Variants in TFEC observed in about 807,000 individuals in gnomAD.
TFEC encodes transcription factor EC.
In TFEC, 31 loss-of-function variants were observed where a neutral mutation model predicts 41.6. That is an observed-to-expected ratio of 0.74 (90% CI 0.56 to 1.01). TFEC has a LOEUF of 1.01. Among genes scored for constraint, TFEC ranks in the 50% least tolerant of loss-of-function variants. The pLI is 0.00. For missense variants in TFEC, 402 were observed against 404.1 expected, an observed-to-expected ratio of 0.99 and a Z score of 0.04; for synonymous variants, 143 against 140.6, an observed-to-expected ratio of 1.02 and a Z score of -0.12.
chr7:115,983,064 G>A (rs1793696524), intron 2 of TFEC, among the ~76,000 whole-genome samples: 1 of 152,034 alleles, frequency 6.6e-6, no homozygotes, highest in African/African-American at 2.4e-5. Flanking sequence ...AGGATAAACT[G>A]TACTGTGTGT....
At chr7:116,065,011 T>C (rs1437180666) in intron 3 of TFEC, among the ~76,000 whole-genome samples, 4 of 152,160 alleles carry the variant, frequency 2.6e-5, no homozygotes, top group Non-Finnish European at 4.4e-5. Context: ...GAGTGGATTG[T>C]TCTCCTGAAA....
chr7:115,971,135 G>T (rs62477237), intron 3 of TFEC, among the ~76,000 whole-genome samples: 1 of 151,936 alleles, frequency 6.6e-6, no homozygotes, highest in African/African-American at 2.4e-5. Flanking sequence ...CTCTTAGTCT[G>T]GGCAATTTGT....
intron 3 of TFEC, among the ~76,000 whole-genome samples, chr7:116,106,355 G>T (rs1797716458): frequency 6.6e-6 from 1 of 151,128 alleles, no homozygotes; most frequent in African/African-American, 2.4e-5. Context: ...GCTGACTGAT[G>T]ACTTCAGTTT....
chr7:116,034,296 C>G (rs1396676744), upstream of TFEC, among the ~76,000 whole-genome samples: 1 of 151,984 alleles, frequency 6.6e-6, no homozygotes, highest in Non-Finnish European at 1.5e-5. Flanking sequence ...GCTAATGACT[C>G]TCATGGTCAT....
intron 5 of TFEC, among the ~76,000 whole-genome samples, chr7:115,951,993 A>T (rs1187946973): frequency 2.0e-5 from 3 of 152,118 alleles, no homozygotes; most frequent in Non-Finnish European, 4.4e-5. Context: ...AAGGTAGAAA[A>T]GGATATGAAG....
intron 2 of TFEC, among the ~76,000 whole-genome samples, chr7:116,111,495 A>G (rs1316171623): frequency 1.3e-5 from 2 of 152,094 alleles, no homozygotes; most frequent in Non-Finnish European, 2.9e-5. Context: ...TAAATGAGAA[A>G]CAAACACAAA....
chr7:116,090,214 GT>G (rs1797293893), intron 3 of TFEC, among the ~76,000 whole-genome samples: 2 of 152,128 alleles, frequency 1.3e-5, no homozygotes, highest in South Asian at 4.1e-4. Flanking sequence ...TGTGACCTTT[GT>G]AACTTCACTT....
chr7:115,991,803 C>T (rs1406760539), intron 1 of TFEC, among the ~76,000 whole-genome samples: 3 of 152,180 alleles, frequency 2.0e-5, no homozygotes, highest in Admixed American at 1.3e-4. Flanking sequence ...ATCAACAAGA[C>T]AGAAAGTTAA....
At chr7:115,944,973 G>A (rs116100781) in intron 6 of TFEC, among the ~76,000 whole-genome samples, 1,635 of 148,876 alleles carry the variant, frequency 0.011, 27 homozygotes, top group African/African-American at 0.034. Flanking sequence ...TCCATGACTC[G>A]TTAATAGATA....
chr7:116,148,907 A>T (rs1429811307), intron 1 of TFEC, among the ~76,000 whole-genome samples: 3 of 152,150 alleles, frequency 2.0e-5, no homozygotes, highest in Non-Finnish European at 4.4e-5. Context: ...ATACAGAAAA[A>T]AAAAAAATGG....
At chr7:116,099,522 C>T (rs771928301) in intron 3 of TFEC, among the ~76,000 whole-genome samples, 114 of 152,282 alleles carry the variant, frequency 7.5e-4, no homozygotes, top group Non-Finnish European at 1.3e-3. Flanking sequence ...TTCCACATTA[C>T]GACCAGTCCC....
At chr7:116,070,568 T>C (rs962368986) in intron 3 of TFEC, among the ~76,000 whole-genome samples, 1 of 151,390 alleles carries the variant, frequency 6.6e-6, no homozygotes, top group African/African-American at 2.4e-5. Flanking sequence ...GAAGAATACA[T>C]ATAAACACAT....
At chr7:116,092,594 T>TA (rs1427854603) in intron 3 of TFEC, among the ~76,000 whole-genome samples, 2 of 152,196 alleles carry the variant, frequency 1.3e-5, no homozygotes, top group African/African-American at 4.8e-5. Context: ...GTACATGAAT[T>TA]AAACTTTTAC....
At chr7:116,130,906 T>G (rs1026169748) in intron 1 of TFEC, among the ~76,000 whole-genome samples, 5 of 152,188 alleles carry the variant, frequency 3.3e-5, no homozygotes, top group African/African-American at 4.8e-5. Flanking sequence ...GCCACTGCAC[T>G]CAGCTTGCAC....
intron 3 of TFEC, among the ~76,000 whole-genome samples, chr7:115,973,205 G>A (rs893280793): frequency 6.6e-6 from 1 of 151,898 alleles, no homozygotes; most frequent in African/African-American, 2.4e-5. Flanking sequence ...CTGCATACTA[G>A]AGAAAAGGAG....
At chr7:116,080,382 C>A (rs943022281) in intron 3 of TFEC, among the ~76,000 whole-genome samples, 4 of 152,120 alleles carry the variant, frequency 2.6e-5, no homozygotes, top group South Asian at 2.1e-4. Flanking sequence ...AGTGAAAAGA[C>A]AACCCACAGA....
chr7:116,015,781 CA>C (rs889059435), intron 1 of TFEC, among the ~76,000 whole-genome samples: 9 of 151,828 alleles, frequency 5.9e-5, no homozygotes, highest in African/African-American at 1.7e-4. Flanking sequence ...AAGATGGCAC[CA>C]AAATAAGGAA....
At chr7:116,108,158 C>T (rs1314835240) in intron 3 of TFEC, among the ~76,000 whole-genome samples, 1 of 152,004 alleles carries the variant, frequency 6.6e-6, no homozygotes, top group African/African-American at 2.4e-5. Flanking sequence ...ATAAACAGAA[C>T]ATTCTGATTA....
intron 1 of TFEC, among the ~76,000 whole-genome samples, chr7:116,142,491 G>A (rs983831052): frequency 1.3e-5 from 2 of 152,142 alleles, no homozygotes; most frequent in Admixed American, 1.3e-4. Flanking sequence ...TGCAGCAGAG[G>A]TAGACACCTG....
Sources: gnomAD v4.1 joint callset for allele counts (sites outside exome capture counted in the v4.1 genomes callset) on GRCh38, gnomAD v4.1.1 for gene constraint, MANE v1.5 for transcripts, NCBI Gene and HGNC (gene_info 2026-07-23, HGNC 2026-07-21) for gene names.